Variants in GGA2 observed in about 807,000 individuals in gnomAD.
The protein encoded by GGA2 is ADP-ribosylation factor-binding protein GGA2.
In GGA2, 48 loss-of-function variants were observed where a neutral mutation model predicts 79.5. That is an observed-to-expected ratio of 0.60 (90% CI 0.48 to 0.77). The LOEUF (loss-of-function observed/expected upper bound fraction) is 0.77. Ranked by LOEUF, GGA2 falls within the 30% of genes least tolerant of loss-of-function variation. The pLI, the probability that GGA2 is intolerant of heterozygous loss-of-function variation, is 0.00. For missense variants in GGA2, 770 were observed against 774.0 expected, an observed-to-expected ratio of 0.99 and a Z score of 0.06; for synonymous variants, 317 against 302.0, an observed-to-expected ratio of 1.05 and a Z score of -0.51.
intron 5 of GGA2, among the ~76,000 whole-genome samples, chr16:23,488,976 T>C (rs1472837260): frequency 6.6e-6 from 1 of 152,202 alleles, no homozygotes; most frequent in Non-Finnish European, 1.5e-5. Context: ...GGCCTTATGC[T>C]GTAAAAGCAT....
At chr16:23,470,923 G>A (rs1028285878) in intron 14 of GGA2, among the ~76,000 whole-genome samples, 10 of 144,854 alleles carry the variant, frequency 6.9e-5, no homozygotes, top group South Asian at 4.4e-4. Context: ...TCTGCCTCCC[G>A]GATTCAAACG....
upstream of GGA2, among the ~76,000 whole-genome samples, chr16:23,511,729 G>A (rs1214800250): frequency 1.3e-5 from 2 of 152,114 alleles, no homozygotes; most frequent in Non-Finnish European, 2.9e-5. Flanking sequence ...AAAAAAGTAT[G>A]TCATGATTAT....
intron 11 of GGA2, 104 bp downstream of exon 11, chr16:23,479,661 A>G: frequency 7.5e-7 from 1 of 1,333,382 alleles, no homozygotes. Flanking sequence ...ATTCACAACC[A>G]TCTCGACTCC....
At chr16:23,514,023 G>A (rs1165408392), upstream of GGA2, among the ~76,000 whole-genome samples, 4 of 151,910 alleles carry the variant, frequency 2.6e-5, no homozygotes, top group East Asian at 7.7e-4. Context: ...CTACCTGGCT[G>A]TTGGTCATCA....
chr16:23,493,354 A>G lies in GGA2; in HGVS notation c.351+6T>C. The G allele has an allele frequency of 6.5e-7, 1 of 1,536,964 alleles. No individual in the cohort carries two copies. Among genetic ancestry groups the G allele is most frequent in the Non-Finnish European group, 9.0e-7 (1 of 1,109,320 alleles). On this transcript the variant is annotated splice_donor_region_variant and intron_variant, in intron 4 of 16. Coordinates refer to ENST00000309859, the MANE Select transcript of GGA2 (RefSeq NM_015044.4). The stretch of plus-strand genomic sequence containing the variant: ...ACAGTCAGCAGAGCCAAGCCCAGGT[A>G]CTCACCTTTGGGGACAACACTTTGA...
At chr16:23,524,330 A>T, upstream of GGA2, 1 of 1,564,820 alleles carries the variant, frequency 6.4e-7, no homozygotes, top group Admixed American at 1.7e-5. Flanking sequence ...CTAAGCTCAC[A>T]GGTTCTTAGG....
chr16:23,510,946 TGTTAGA>T (rs1965045895), upstream of GGA2, among the ~76,000 whole-genome samples: 1 of 104,692 alleles, frequency 9.6e-6, no homozygotes, highest in Admixed American at 9.5e-5. Flanking sequence ...TGTGTGTGTG[TGTTAGA>T]GACTGGGTTT....
intron 4 of GGA2, 55 bp from the exon 5 acceptor site, chr16:23,491,855 C>G (rs981832914): frequency 1.6e-6 from 2 of 1,257,558 alleles, no homozygotes; most frequent in Admixed American, 1.8e-5. Context: ...GGGAGACCGA[C>G]ACTTTAACTA....
At position 23,470,055 on chromosome 16, in the gene GGA2, T is replaced by C. The variant is rs777175077; in HGVS notation, c.1561A>G (p.Met521Val). 168 of 1,607,302 alleles carry C rather than the reference T, an allele frequency of 1.0e-4. No individual in the cohort carries two copies. Among genetic ancestry groups the C allele is most frequent in the Non-Finnish European group, 1.4e-4 (163 of 1,177,064 alleles). ...ACAGGCTGGGGAGCCGTGCTCATCA[T>C]GGTCAAGAGCAGCACCTGTACCTCT... The part of the protein sequence containing the change: ...HPEVQVLLLT[M>V]MSTAPQPVWD... The change falls in exon 15 of 17, where the codon ATG (methionine) becomes GTG (valine). Residue 521 changes from methionine (M) to valine (V), a missense_variant. Transcript: ENST00000309859.
chr16:23,480,839 T>A, intron 9 of GGA2, 69 bp from the exon 10 acceptor site: 1 of 1,504,744 alleles, frequency 6.6e-7, no homozygotes, highest in South Asian at 1.2e-5. Context: ...TTCTAAGCTT[T>A]TCCATAAAAC....
At chr16:23,502,801 A>C (rs762776297) in intron 1 of GGA2, among the ~76,000 whole-genome samples, 2 of 152,258 alleles carry the variant, frequency 1.3e-5, no homozygotes, top group Non-Finnish European at 2.9e-5. Context: ...TCAGTCAAAA[A>C]GGAATTTTCT....
At position 23,510,362 on chromosome 16, in the gene GGA2, T is replaced by A; in HGVS notation, c.50A>T (p.Gln17Leu). 1 of 1,428,248 alleles carries A rather than the reference T, an allele frequency of 7.0e-7. No individual in the cohort carries two copies. Among genetic ancestry groups the A allele is most frequent in the Non-Finnish European group, 9.2e-7 (1 of 1,090,490 alleles). The allele number at this position is 1,428,248 out of a possible 1,614,324, so 88.5% of individuals were successfully genotyped here. ...CGACGCTGCCGGGCCCGGGGGACCC[T>A]GGGCCGACTCGGTTCCCGCCACAGC... ...AAAVAGTESA[Q>L]GPPGPAASLE... Residue 17 changes from glutamine (Q) to leucine (L), a missense_variant, in exon 1 of 17, where the codon CAG becomes CTG. Coordinates refer to ENST00000309859, the MANE Select transcript of GGA2 (RefSeq NM_015044.4).
intron 14 of GGA2, among the ~76,000 whole-genome samples, chr16:23,471,753 A>G (rs1179557498): frequency 6.6e-6 from 1 of 151,926 alleles, no homozygotes; most frequent in African/African-American, 2.4e-5. Context: ...AAAGACAATA[A>G]AAATTTGCTG....
intron 1 of GGA2, among the ~76,000 whole-genome samples, chr16:23,510,033 G>A (rs1474148059): frequency 1.4e-5 from 2 of 143,700 alleles, no homozygotes; most frequent in Non-Finnish European, 3.0e-5. Context: ...GAAAGCGCAG[G>A]TCACGTAGCC....
chr16:23,501,637 T>C (rs569781803), intron 1 of GGA2: 25 of 252,132 alleles, frequency 9.9e-5, no homozygotes, highest in South Asian at 7.6e-4. Context: ...ATGAATTTCA[T>C]TGGTATTCGG....
intron 9 of GGA2, 42 bp from the exon 10 acceptor site, chr16:23,480,812 C>T: frequency 6.3e-7 from 1 of 1,583,668 alleles, no homozygotes; most frequent in Non-Finnish European, 8.7e-7. Flanking sequence ...GGTTTGGCAA[C>T]CAACAATCTC....
chr16:23,471,046 G>C (rs1335507100), intron 14 of GGA2, among the ~76,000 whole-genome samples: 1 of 151,550 alleles, frequency 6.6e-6, no homozygotes, highest in Non-Finnish European at 1.5e-5. Context: ...GTCAGGCTGG[G>C]GGAGGTCAGG....
rs183935708 is a variant in GGA2 at position 23,496,685 on chromosome 16, G to A, written c.92-907C>T. Among the ~76,000 whole-genome samples the A allele has an allele frequency of 4.2e-3, 642 of 152,170 alleles. 2 individuals carry two copies. Among genetic ancestry groups the A allele is most frequent in the Non-Finnish European group, 7.0e-3 (474 of 68,010 alleles). On this transcript the variant is annotated intron_variant, in intron 1 of 16. Coordinates refer to ENST00000309859, the MANE Select transcript of GGA2 (RefSeq NM_015044.4). ...ATTTTAAAAAATTAAGACCAGGCGC[G>A]ATGGCTCACGCCTGTAATCCCAGCA...
At chr16:23,471,016 G>T (rs1463135615) in intron 14 of GGA2, among the ~76,000 whole-genome samples, 1 of 151,778 alleles carries the variant, frequency 6.6e-6, no homozygotes, top group East Asian at 2.0e-4. Flanking sequence ...TTTTAGTAGA[G>T]ATGGGATTTC....
Sources: allele counts gnomAD v4.1 joint callset (sites outside exome capture counted in the v4.1 genomes callset), GRCh38; gene constraint gnomAD v4.1.1; transcripts MANE v1.5; gene names NCBI Gene and HGNC (gene_info 2026-07-23, HGNC 2026-07-21).